NCALD: variants seen among roughly 807,000 people sequenced by gnomAD.
The protein encoded by NCALD is neurocalcin delta, also known as neurocalcin-delta.
In NCALD, 10 loss-of-function variants were observed where a neutral mutation model predicts 18.6. The ratio of observed to expected loss-of-function variants is 0.54; its 90% CI spans 0.33 to 0.91. The LOEUF (loss-of-function observed/expected upper bound fraction) is 0.91, where lower values mean the gene tolerates loss of function less well. NCALD is among the 40% of genes least tolerant of loss of function. The pLI is 0.03. For missense variants in NCALD, 184 were observed against 247.6 expected (o/e 0.74, Z 1.72); for synonymous variants, 88 against 87.4 (o/e 1.01, Z -0.04).
intron 1 of NCALD, among the ~76,000 whole-genome samples, chr8:102,072,179 A>G (rs965145545): frequency 6.6e-6 from 1 of 152,196 alleles, no homozygotes; most frequent in Non-Finnish European, 1.5e-5. Flanking sequence ...GGCGCTCAAT[A>G]TTGTTATTCA....
intron 1 of NCALD, among the ~76,000 whole-genome samples, chr8:101,758,606 C>T (rs1329714547): frequency 1.3e-5 from 2 of 152,198 alleles, no homozygotes; most frequent in African/African-American, 2.4e-5. Context: ...TGCTCTTACT[C>T]ACCACATCCA....
chr8:102,092,474 CCTTT>C, intron 1 of NCALD, among the ~76,000 whole-genome samples: 1 of 152,178 alleles, frequency 6.6e-6, no homozygotes. Context: ...GATCAGGACC[CCTTT>C]CTGGTAACAC....
chr8:101,850,697 G>A (rs1311830001), intron 4 of NCALD, among the ~76,000 whole-genome samples: 6 of 152,186 alleles, frequency 3.9e-5, no homozygotes, highest in South Asian at 4.1e-4. Context: ...TTCTCATGAC[G>A]TATCCTTACA....
chr8:101,815,742 T>G (rs1033256346), intron 4 of NCALD, among the ~76,000 whole-genome samples: 3 of 152,154 alleles, frequency 2.0e-5, no homozygotes, highest in African/African-American at 7.2e-5. Context: ...TGACAGTTTC[T>G]TACAAAACTA....
chr8:101,900,220 C>A (rs1286097025), intron 3 of NCALD, among the ~76,000 whole-genome samples: 1 of 151,832 alleles, frequency 6.6e-6, no homozygotes, highest in Non-Finnish European at 1.5e-5. Context: ...CTTTGTAATT[C>A]CAGATATTGG....
intron 4 of NCALD, among the ~76,000 whole-genome samples, chr8:101,839,467 A>G (rs1814551390): frequency 6.6e-6 from 1 of 152,180 alleles, no homozygotes; most frequent in African/African-American, 2.4e-5. Flanking sequence ...GGCTTTCCAC[A>G]AAGAGAATAA....
chr8:101,737,194 C>T (rs1173331697), intron 1 of NCALD, among the ~76,000 whole-genome samples: 1 of 152,074 alleles, frequency 6.6e-6, no homozygotes, highest in African/African-American at 2.4e-5. Flanking sequence ...TCGTGGCTCA[C>T]CAGTGTCACC....
intron 1 of NCALD, among the ~76,000 whole-genome samples, chr8:102,095,840 A>T (rs1825076587): frequency 6.6e-6 from 1 of 152,236 alleles, no homozygotes; most frequent in Non-Finnish European, 1.5e-5. Flanking sequence ...AATTGTAACA[A>T]TAGTTATAAC....
intron 1 of NCALD, among the ~76,000 whole-genome samples, chr8:102,066,898 C>G (rs1824027093): frequency 1.3e-5 from 2 of 152,236 alleles, no homozygotes; most frequent in Non-Finnish European, 2.9e-5. Flanking sequence ...TTCCATACCT[C>G]TGGTCACCTT....
intron 1 of NCALD, among the ~76,000 whole-genome samples, chr8:102,075,206 C>T (rs1162778694): frequency 2.0e-5 from 3 of 152,270 alleles, no homozygotes; most frequent in East Asian, 3.9e-4. Flanking sequence ...GTAGACAACT[C>T]ACAGCAAGTG....
At chr8:102,032,177 G>A (rs552616233) in intron 1 of NCALD, among the ~76,000 whole-genome samples, 1 of 152,204 alleles carries the variant, frequency 6.6e-6, no homozygotes, top group Non-Finnish European at 1.5e-5. Flanking sequence ...CCGTCACCAA[G>A]TGGAAGTGGT....
intron 4 of NCALD, among the ~76,000 whole-genome samples, chr8:101,857,177 T>C (rs1415648390): frequency 1.3e-5 from 2 of 152,240 alleles, no homozygotes; most frequent in Non-Finnish European, 2.9e-5. Context: ...TGTTAAGATT[T>C]GCTTCAGATT....
intron 4 of NCALD, among the ~76,000 whole-genome samples, chr8:101,857,072 A>G (rs16868565): frequency 0.016 from 2,381 of 152,320 alleles, 71 homozygotes; most frequent in African/African-American, 0.052. Context: ...AGTGTCCACT[A>G]AGTAAATAAA....
chr8:101,689,616 GACAGT>G lies in NCALD; in HGVS notation c.485-215_485-211del, dbSNP rs1198591603. ...TCACCATGGCATTGCCAGCACTTAG[GACAGT>G]ACATGTGGCAATCAAACGCCGCTGC... On this transcript the variant is annotated intron_variant, in intron 3 of 3. Transcript: ENST00000220931. This position sits in a 1 kb window ranked among gnomAD's most constrained non-coding sequence, Gnocchi z 4.4. Among the ~76,000 whole-genome samples, 5 of 152,368 alleles carry G rather than the reference GACAGT, an allele frequency of 3.3e-5. No homozygotes were observed. The East Asian group carries it at 9.6e-4, about 29-fold the overall frequency.
chr8:101,868,174 C>T (rs930142088), intron 4 of NCALD, among the ~76,000 whole-genome samples: 5 of 152,086 alleles, frequency 3.3e-5, no homozygotes, highest in Admixed American at 2.0e-4. Flanking sequence ...TGCTTGTAGA[C>T]GCCAGCATCT....
At chr8:101,975,821 A>G (rs1174787024) in intron 2 of NCALD, among the ~76,000 whole-genome samples, 1 of 151,914 alleles carries the variant, frequency 6.6e-6, no homozygotes, top group Non-Finnish European at 1.5e-5. Context: ...TGTGTTTTCT[A>G]TCTTCTTTTT....
rs533337497 is a variant in NCALD at position 101,884,928 on chromosome 8, G to C, written c.-20+2213C>G. On this transcript the variant is annotated intron_variant, in intron 4 of 6. Transcript: ENST00000311028. ...TCTCCATATTATTCCTAAATGAAAG[G>C]TATTCTGTTGACAAAATCAATGTTT... Among the ~76,000 whole-genome samples the C allele has an allele frequency of 6.6e-5, 10 of 152,266 alleles. 1 individual carries two copies. The South Asian group carries it at 1.9e-3, about 28-fold the overall frequency.
chr8:101,854,163 C>T (rs141171386), intron 4 of NCALD, among the ~76,000 whole-genome samples: 190 of 152,278 alleles, frequency 1.2e-3, no homozygotes, highest in East Asian at 7.3e-3. Flanking sequence ...CTTATGCCAA[C>T]GAGGTCTCTC....
chr8:101,994,399 C>T (rs1481200885), intron 2 of NCALD, among the ~76,000 whole-genome samples: 2 of 150,016 alleles, frequency 1.3e-5, no homozygotes, highest in South Asian at 2.1e-4. Context: ...CAGAGTTTTT[C>T]CCTGTTCCCA....
Sources: allele counts gnomAD v4.1 joint callset (sites outside exome capture counted in the v4.1 genomes callset), GRCh38; gene constraint gnomAD v4.1.1; non-coding constraint Gnocchi (gnomAD v3.1); transcripts MANE v1.5; gene names NCBI Gene and HGNC (gene_info 2026-07-23, HGNC 2026-07-21).